Variants in ZNF385D observed in about 807,000 individuals in gnomAD.
ZNF385D encodes the protein zinc finger protein 659.
Under a neutral mutation model 35.8 loss-of-function variants are expected in ZNF385D, and 15 were observed. The ratio of observed to expected loss-of-function variants is 0.42; its 90% CI spans 0.28 to 0.64. ZNF385D has a LOEUF of 0.64. Ranked by LOEUF, ZNF385D falls within the 30% of genes least tolerant of loss-of-function variation. ZNF385D has a pLI of 0.23. For missense variants in ZNF385D, 474 were observed against 494.6 expected (o/e 0.96, Z 0.39); for synonymous variants, 212 against 186.8 (o/e 1.13, Z -1.10).
rs576236645 is a variant in ZNF385D, at chr3:22,213,499, A to C, written c.107-44464T>G. Among the ~76,000 whole-genome samples the C allele has an allele frequency of 1.5e-4, 23 of 152,194 alleles. No homozygotes were observed. In the South Asian group the frequency reaches 4.6e-3, roughly 30 times the overall value. On this transcript the variant is annotated intron_variant, in intron 2 of 5. Coordinates refer to the ZNF385D transcript ENST00000494108. ...TATTCTCAGATTCGTGTCAACTTCT[A>C]ATTAAAGAAATATTAGTTTATGTCC...
intron 3 of ZNF385D, among the ~76,000 whole-genome samples, chr3:22,056,795 G>T (rs907551599): frequency 6.6e-6 from 1 of 152,218 alleles, no homozygotes; most frequent in Admixed American, 6.5e-5. Flanking sequence ...ATCTCAGATT[G>T]TTTGGCTGGC....
At chr3:21,745,880 G>C (rs1443942257) in intron 1 of ZNF385D, among the ~76,000 whole-genome samples, 1 of 152,126 alleles carries the variant, frequency 6.6e-6, no homozygotes, top group Non-Finnish European at 1.5e-5. Flanking sequence ...GTATATAATG[G>C]TTGCTAAACT....
At chr3:21,773,624 ACTTCT>A (rs1259287626) in intron 3 of ZNF385D, among the ~76,000 whole-genome samples, 5 of 152,052 alleles carry the variant, frequency 3.3e-5, no homozygotes, top group African/African-American at 1.2e-4. Flanking sequence ...ACAAACAGAC[ACTTCT>A]CAAAAGACTA....
At chr3:21,853,868 T>G (rs1373231680) in intron 3 of ZNF385D, among the ~76,000 whole-genome samples, 1 of 151,842 alleles carries the variant, frequency 6.6e-6, no homozygotes, top group Non-Finnish European at 1.5e-5. Context: ...TATAATTCCA[T>G]GTATATGAAG....
chr3:21,737,580 A>G (rs939735449), intron 1 of ZNF385D, among the ~76,000 whole-genome samples: 17 of 152,108 alleles, frequency 1.1e-4, no homozygotes, highest in African/African-American at 3.6e-4. Flanking sequence ...AACAAAATGC[A>G]CCTATGGTGG....
chr3:22,037,785 T>G (rs567716921), intron 3 of ZNF385D, among the ~76,000 whole-genome samples: 1 of 152,158 alleles, frequency 6.6e-6, no homozygotes, highest in African/African-American at 2.4e-5. Context: ...TCCTTGCCCA[T>G]GCCTATGTCC....
chr3:21,822,328 T>A (rs558313985), intron 3 of ZNF385D, among the ~76,000 whole-genome samples: 4 of 152,172 alleles, frequency 2.6e-5, no homozygotes, highest in South Asian at 2.1e-4. Context: ...CGCCTCAGCC[T>A]CCCAAAGTGC....
intron 3 of ZNF385D, among the ~76,000 whole-genome samples, chr3:21,859,887 C>T (rs1301317664): frequency 1.3e-5 from 2 of 152,012 alleles, no homozygotes; most frequent in Admixed American, 6.6e-5. Flanking sequence ...AAGATTCATG[C>T]ATTATGTATG....
intron 1 of ZNF385D, among the ~76,000 whole-genome samples, chr3:21,721,176 G>A (rs1238406942): frequency 6.6e-6 from 1 of 151,928 alleles, no homozygotes; most frequent in Non-Finnish European, 1.5e-5. Context: ...TATACTGGTT[G>A]TCTATGAGTC....
chr3:22,287,280 T>C (rs142402972), intron 2 of ZNF385D, among the ~76,000 whole-genome samples: 168 of 152,164 alleles, frequency 1.1e-3, no homozygotes, highest in African/African-American at 3.8e-3. Flanking sequence ...AATGAGTCTC[T>C]TAAAGTGAGC....
At chr3:21,448,339 A>G (rs528800728) in intron 4 of ZNF385D, among the ~76,000 whole-genome samples, 1 of 152,296 alleles carries the variant, frequency 6.6e-6, no homozygotes, top group South Asian at 2.1e-4. Context: ...TTCAATTTCA[A>G]CTATAAGCTG....
chr3:22,327,964 T>C (rs931838678), intron 2 of ZNF385D, among the ~76,000 whole-genome samples: 2 of 152,220 alleles, frequency 1.3e-5, no homozygotes, highest in African/African-American at 4.8e-5. Context: ...GAAGTAACAT[T>C]AAGCGCCTAA....
At chr3:21,892,965 T>C (rs1698952454) in intron 3 of ZNF385D, among the ~76,000 whole-genome samples, 1 of 152,308 alleles carries the variant, frequency 6.6e-6, no homozygotes, top group South Asian at 2.1e-4. Context: ...TGCGTGTATG[T>C]ATTTGGTCCT....
At position 21,932,134 on chromosome 3, in the gene ZNF385D, T is replaced by A. The variant is rs546532591; in HGVS notation, c.325+236683A>T. Among the ~76,000 whole-genome samples, 54 of 115,162 alleles carry A rather than the reference T, an allele frequency of 4.7e-4. No homozygotes were observed. The South Asian group carries it at 0.015, about 32-fold the overall frequency. The allele number at this position is 115,162 out of a possible 152,430, so 75.6% of individuals were successfully genotyped here. ...GTGAGCCGAGATAGCGCCCCTGCACTCCGGCCTGGGCGAAAGAGCAAGACT... is the reference window on the plus strand; with the variant it reads ...GTGAGCCGAGATAGCGCCCCTGCACACCGGCCTGGGCGAAAGAGCAAGACT... On this transcript the variant is annotated intron_variant, in intron 3 of 5. Coordinates refer to the ZNF385D transcript ENST00000494108.
intron 3 of ZNF385D, among the ~76,000 whole-genome samples, chr3:21,947,809 C>G (rs1356756756): frequency 6.6e-6 from 1 of 151,952 alleles, no homozygotes; most frequent in South Asian, 2.1e-4. Flanking sequence ...TGGTGTTATG[C>G]TTAGAAAGAC....
Position 22,171,051 on chromosome 3 carries a change from G to C in ZNF385D, c.107-2016C>G, listed in dbSNP as rs7625817. On this transcript the variant is annotated intron_variant, in intron 2 of 5. Transcript: ENST00000494108. Reference sequence around the variant, plus strand: ...TTTCATTCTGAGTGGCAAGATTAGAGTTGGCTTGGTTTCCTTTAGCATTTC... The same window carrying C: ...TTTCATTCTGAGTGGCAAGATTAGACTTGGCTTGGTTTCCTTTAGCATTTC... Among the ~76,000 whole-genome samples, 297 of 152,300 alleles carry C rather than the reference G, an allele frequency of 2.0e-3. 3 individuals are homozygous for C. Among genetic ancestry groups the C allele is most frequent in the African/African-American group, 6.9e-3 (287 of 41,570 alleles).
At chr3:21,436,668 T>C (rs1293554799) in intron 5 of ZNF385D, among the ~76,000 whole-genome samples, 2 of 152,084 alleles carry the variant, frequency 1.3e-5, no homozygotes, top group Admixed American at 1.3e-4. Flanking sequence ...TGTAAATAAA[T>C]AAACAAACTA....
Position 22,124,241 on chromosome 3 carries a change from G to C in ZNF385D, c.325+44576C>G, listed in dbSNP as rs1703293213. ...TATGTCCTTCAGCTTCATCCATGCT[G>C]TTGCAAATGACATGATCTCATTCTT... On this transcript the variant is annotated intron_variant, in intron 3 of 5. Coordinates refer to the ZNF385D transcript ENST00000494108. Among the ~76,000 whole-genome samples the C allele has an allele frequency of 2.6e-5, 4 of 151,994 alleles. No individual in the cohort carries two copies. In the South Asian group the frequency reaches 8.3e-4, roughly 31 times the overall value.
In ZNF385D at chr3:21,719,596, A is replaced by T. The variant is rs544154774; in HGVS notation, c.22+31299T>A. Among the ~76,000 whole-genome samples the T allele has an allele frequency of 2.0e-5, 3 of 152,334 alleles. No individual in the cohort carries two copies. The East Asian group carries it at 5.8e-4, about 29-fold the overall frequency. On this transcript the variant is annotated intron_variant, in intron 1 of 7. Transcript: ENST00000281523. Reference sequence around the variant, plus strand: ...AAGATGCTAATGAGACATATGACGTATGAACAAGCATGTATAGCTACTGCA... The same window carrying T: ...AAGATGCTAATGAGACATATGACGTTTGAACAAGCATGTATAGCTACTGCA...
Sources: allele counts gnomAD v4.1 joint callset (sites outside exome capture counted in the v4.1 genomes callset), GRCh38; gene constraint gnomAD v4.1.1; transcripts MANE v1.5; gene names NCBI Gene and HGNC (gene_info 2026-07-23, HGNC 2026-07-21).